The following PLEKHH2 variants were observed in gnomAD, a reference collection of about 807,000 sequenced individuals.
PLEKHH2 encodes pleckstrin homology, MyTH4 and FERM domain containing H2, also known as pleckstrin homology domain-containing family H member 2.
Under a neutral mutation model 187.9 loss-of-function variants are expected in PLEKHH2, and 129 were observed. The ratio of observed to expected loss-of-function variants is 0.69; its 90% confidence interval spans 0.59 to 0.79. The LOEUF (loss-of-function observed/expected upper bound fraction) is 0.79. PLEKHH2 is among the 30% of genes least tolerant of loss of function. The pLI, the probability that PLEKHH2 is intolerant of heterozygous loss-of-function variation, is 0.00. For missense variants in PLEKHH2, 2,076 were observed against 1,751.2 expected (o/e 1.19, Z -3.31); for synonymous variants, 686 against 605.6 (o/e 1.13, Z -1.95).
chr2:43,745,991 AG>A (rs1671764128), intron 24 of PLEKHH2, 28 bp downstream of exon 24: 1 of 1,449,010 alleles, frequency 6.9e-7, no homozygotes, highest in Admixed American at 1.8e-5. Context: ...CAGATGCCAA[AG>A]TATGAGTATA....
intron 7 of PLEKHH2, among the ~76,000 whole-genome samples, chr2:43,698,080 C>T (rs1669176006): frequency 6.6e-6 from 1 of 152,276 alleles, no homozygotes; most frequent in South Asian, 2.1e-4. Context: ...AGTTTTCATC[C>T]TCTCTACTTT....
At chr2:43,736,404 G>A (rs561909985) in intron 19 of PLEKHH2, among the ~76,000 whole-genome samples, 2 of 152,228 alleles carry the variant, frequency 1.3e-5, no homozygotes, top group East Asian at 3.9e-4. Flanking sequence ...AATGACATAC[G>A]CCCTGTGATT....
At chr2:43,687,287 C>T (rs1374611535) in intron 3 of PLEKHH2, among the ~76,000 whole-genome samples, 1 of 152,140 alleles carries the variant, frequency 6.6e-6, no homozygotes. Context: ...AGGATAATGA[C>T]CTCCAGTTGC....
intron 19 of PLEKHH2, among the ~76,000 whole-genome samples, chr2:43,734,715 A>G (rs1159774232): frequency 1.3e-5 from 2 of 152,278 alleles, no homozygotes; most frequent in Non-Finnish European, 1.5e-5. Flanking sequence ...AACTAAAAAT[A>G]GAACTACCAT....
intron 14 of PLEKHH2, 186 bp from the exon 15 acceptor site, chr2:43,712,039 T>C: frequency 7.8e-7 from 1 of 1,280,436 alleles, no homozygotes; most frequent in Non-Finnish European, 1.0e-6. Flanking sequence ...ATTTAATTGC[T>C]GTAATTCTCA....
Position 43,707,515 on chromosome 2 carries a change from G to T in PLEKHH2, c.1936G>T (p.Gly646Trp), listed in dbSNP as rs151068121. 1.9e-6 allele frequency: 3 copies of T among 1,614,088 alleles called. No homozygotes were observed. Among genetic ancestry groups the T allele is most frequent in the Non-Finnish European group, 2.5e-6 (3 of 1,180,002 alleles). ...AGAGTCAGACTCACGCAGTAGGAGT[G>T]GGCCAGGCAGCCCCAGAGCCATGAA... ...TSESDSRSRS[G>W]PGSPRAMKRG... The change falls in exon 11 of 30, where the codon GGG becomes TGG. Residue 646 changes from glycine to tryptophan, a missense_variant. Gly to Trp is a radical substitution (Grantham distance 184). Coordinates refer to ENST00000282406, the MANE Select transcript of PLEKHH2 (RefSeq NM_172069.4).
intron 26 of PLEKHH2, among the ~76,000 whole-genome samples, chr2:43,757,972 C>T (rs1303633977): frequency 6.6e-6 from 1 of 151,994 alleles, no homozygotes; most frequent in South Asian, 2.1e-4. Context: ...TTACAAAAGA[C>T]TTTTTAATAT....
At chr2:43,727,151 C>G (rs983359649) in intron 17 of PLEKHH2, among the ~76,000 whole-genome samples, 2 of 152,164 alleles carry the variant, frequency 1.3e-5, no homozygotes, top group East Asian at 1.9e-4. Context: ...CGGTGACTCA[C>G]GTCTGTAATC....
At chr2:43,743,564 T>G (rs957478149) in intron 22 of PLEKHH2, among the ~76,000 whole-genome samples, 26 of 152,220 alleles carry the variant, frequency 1.7e-4, no homozygotes, top group African/African-American at 6.0e-4. Context: ...GCATAATATC[T>G]TTGCAAAATA....
intron 2 of PLEKHH2, among the ~76,000 whole-genome samples, chr2:43,671,398 T>C (rs1667492382): frequency 6.6e-6 from 1 of 152,214 alleles, no homozygotes; most frequent in Non-Finnish European, 1.5e-5. Flanking sequence ...GGACTTTATG[T>C]GTAGATACTC....
intron 24 of PLEKHH2, among the ~76,000 whole-genome samples, chr2:43,748,557 T>G (rs1201576313): frequency 6.6e-6 from 1 of 152,228 alleles, no homozygotes; most frequent in African/African-American, 2.4e-5. Context: ...TCAGACCCAC[T>G]GAGTCAGAAT....
At chr2:43,677,827 G>A (rs1667906773) in intron 2 of PLEKHH2, among the ~76,000 whole-genome samples, 1 of 148,228 alleles carries the variant, frequency 6.7e-6, no homozygotes, top group South Asian at 2.2e-4. Context: ...TGGGCGGGGG[G>A]CTGACCCCCC....
chr2:43,692,341 G>C (rs1177066191), intron 3 of PLEKHH2, 173 bp from the exon 4 acceptor site: 3 of 492,904 alleles, frequency 6.1e-6, no homozygotes, highest in African/African-American at 6.0e-5. Context: ...AACACCACTT[G>C]GTGAAATAGG....
chr2:43,724,197 G>T (rs1670626092), intron 16 of PLEKHH2, among the ~76,000 whole-genome samples: 1 of 149,516 alleles, frequency 6.7e-6, no homozygotes, highest in Non-Finnish European at 1.5e-5. Flanking sequence ...AGTAGAGTTA[G>T]TGAGTCTGGA....
chr2:43,678,082 C>G (rs972069326), intron 2 of PLEKHH2, among the ~76,000 whole-genome samples: 10 of 151,148 alleles, frequency 6.6e-5, no homozygotes, highest in Admixed American at 6.6e-5. Context: ...GGGTCGCGGC[C>G]GGGCAGAGGC....
chr2:43,699,099 C>T (rs556037916), intron 7 of PLEKHH2, among the ~76,000 whole-genome samples: 2 of 152,196 alleles, frequency 1.3e-5, no homozygotes, highest in East Asian at 3.9e-4. Flanking sequence ...TTCTTTCCTT[C>T]TAAAATAGAA....
At position 43,726,326 on chromosome 2, in the gene PLEKHH2, T is replaced by G; in HGVS notation, c.2596T>G (p.Ser866Ala). The part of the protein sequence containing the change: ...WEAKVEEVDR[S>A]CDSDEDYEAS... ...GGCTAAAGTGGAAGAGGTTGACAGA[T>G]CTTGTGATTCAGATGAAGATTATGA... The change falls in exon 17 of 30, where the codon TCT (serine) becomes GCT (alanine). Residue 866 changes from serine (S) to alanine (A), a missense_variant. Physicochemically the swap from Ser to Ala is moderately conservative, Grantham distance 99 (BLOSUM62 1). Transcript: ENST00000282406. The G allele has an allele frequency of 6.2e-7, 1 of 1,612,182 alleles. No homozygotes were observed. Among genetic ancestry groups the G allele is most frequent in the Non-Finnish European group, 8.5e-7 (1 of 1,178,280 alleles).
intron 24 of PLEKHH2, among the ~76,000 whole-genome samples, chr2:43,750,836 C>A (rs1671980001): frequency 6.6e-6 from 1 of 152,164 alleles, no homozygotes; most frequent in Non-Finnish European, 1.5e-5. Flanking sequence ...TTGTTTGAAG[C>A]CTTGGGAATT....
intron 1 of PLEKHH2, among the ~76,000 whole-genome samples, chr2:43,640,212 T>A (rs1312179916): frequency 5.0e-5 from 1 of 20,170 alleles, no homozygotes; most frequent in African/African-American, 5.0e-4. Flanking sequence ...ATATTTAAAC[T>A]TTTTTTTTTT....
Sources: gnomAD v4.1 joint callset for allele counts (sites outside exome capture counted in the v4.1 genomes callset) on GRCh38, gnomAD v4.1.1 for gene constraint, MANE v1.5 for transcripts, NCBI Gene and HGNC (gene_info 2026-07-23, HGNC 2026-07-21) for gene names.